The following CCDC40 variants were observed in gnomAD, a reference collection of about 807,000 sequenced individuals.
The protein encoded by CCDC40 is coiled-coil domain 40 molecular ruler complex subunit, also known as coiled-coil domain-containing protein 40.
A neutral mutation model predicts 124.5 loss-of-function variants in CCDC40; 104 were observed. The ratio of observed to expected loss-of-function variants is 0.84; its 90% CI spans 0.71 to 0.98. The LOEUF is 0.98. Among genes scored for constraint, CCDC40 ranks in the 50% least tolerant of loss-of-function variants. The pLI, the probability that CCDC40 is intolerant of heterozygous loss-of-function variation, is 0.00. For synonymous variants in CCDC40, 580 were observed against 602.9 expected, an observed-to-expected ratio of 0.96 and a Z score of 0.56; for missense variants, 1,463 against 1,503.9, an observed-to-expected ratio of 0.97 and a Z score of 0.45.
At chr17:80,053,904 A>C (rs985459628) in intron 7 of CCDC40, among the ~76,000 whole-genome samples, 13 of 152,226 alleles carry the variant, frequency 8.5e-5, no homozygotes, top group Non-Finnish European at 1.6e-4. Context: ...CCTACATGTC[A>C]GTTAGACTCT....
chr17:80,058,123 C>T lies in CCDC40; in HGVS notation c.1160-371C>T, dbSNP rs148993565. ...TCCTCCCAGGGGACTTAAGACTCCA[C>T]CTAAGGTTGCCAGCCTTTCAGTGGT... On this transcript the variant is annotated intron_variant, in intron 7 of 19. Coordinates refer to ENST00000397545, the MANE Select transcript of CCDC40 (RefSeq NM_017950.4). This position sits in a 1 kb window ranked among gnomAD's most constrained non-coding sequence, Gnocchi z 4.2. 5.5e-4 allele frequency among the ~76,000 whole-genome samples: 83 copies of T among 152,274 alleles called. 2 individuals carry two copies. The highest frequency in any genetic ancestry group is 3.4e-3 in the Middle Eastern group (1 of 294).
At chr17:80,065,333 G>A (rs1160290373) in intron 9 of CCDC40, 152 bp from the exon 10 acceptor site, 28 of 1,050,274 alleles carry the variant, frequency 2.7e-5, no homozygotes, top group Middle Eastern at 2.0e-4. Flanking sequence ...ATTCAGGCTC[G>A]TGTTTACCCC....
chr17:80,057,759 C>G (rs1445858747), intron 7 of CCDC40, among the ~76,000 whole-genome samples: 1 of 151,994 alleles, frequency 6.6e-6, no homozygotes, highest in Non-Finnish European at 1.5e-5. Flanking sequence ...GCCTGTAGTC[C>G]CAGCTACTCG....
Position 80,097,304 on chromosome 17 carries a change from C to T in CCDC40, c.3081C>T (p.Ser1027=). 9 of 1,613,958 alleles carry T rather than the reference C, an allele frequency of 5.6e-6. No homozygotes were observed. The highest frequency in any genetic ancestry group is 2.2e-5 in the East Asian group (1 of 44,884). The part of the protein sequence containing the change: ...LELEETQRNV[S]SSLLEKQEKL... ...TGGAAGAAACACAAAGAAATGTGAG[C>T]AGCTCCCTCCTAGAGAAGCAGGAAA... The change falls in exon 19 of 20, where the codon AGC becomes AGT. Residue 1027 remains serine (S), a synonymous_variant. Transcript: ENST00000397545.
intron 17 of CCDC40, 21 bp from the exon 18 acceptor site, chr17:80,095,242 C>A: frequency 1.2e-6 from 2 of 1,612,698 alleles, no homozygotes; most frequent in Non-Finnish European, 8.5e-7. Context: ...CCAGCCCCAG[C>A]CCCTCTGTCC....
At chr17:80,064,368 G>A (rs941441312) in intron 9 of CCDC40, among the ~76,000 whole-genome samples, 3 of 151,958 alleles carry the variant, frequency 2.0e-5, no homozygotes, top group Admixed American at 6.5e-5. Flanking sequence ...CGGGCCGCCA[G>A]CTTGCTCAAG....
intron 19 of CCDC40, chr17:80,097,833 G>A (rs1278457696): frequency 1.3e-5 from 3 of 222,336 alleles, no homozygotes; most frequent in Non-Finnish European, 2.7e-5. Context: ...CTGGGAGGTC[G>A]AGACTGCAGT....
intron 1 of CCDC40, 116 bp downstream of exon 1, chr17:80,036,807 T>G: frequency 1.0e-6 from 1 of 961,566 alleles, no homozygotes; most frequent in Non-Finnish European, 1.5e-6. Context: ...CACTCCCCCT[T>G]CCTCTCGCCT....
chr17:80,047,230 C>T (rs767837168), intron 3 of CCDC40, 49 bp from the exon 4 acceptor site: 1 of 1,587,774 alleles, frequency 6.3e-7, no homozygotes, highest in East Asian at 2.2e-5. Flanking sequence ...AATAACTTCT[C>T]AGTGGCAATT....
intron 4 of CCDC40, among the ~76,000 whole-genome samples, chr17:80,047,953 A>G (rs906800320): frequency 1.3e-5 from 2 of 152,216 alleles, no homozygotes; most frequent in African/African-American, 4.8e-5. Context: ...TGCAAATGAC[A>G]TGAAAACAGC....
intron 5 of CCDC40, among the ~76,000 whole-genome samples, chr17:80,049,023 A>G (rs1438238221): frequency 1.3e-5 from 2 of 151,960 alleles, no homozygotes; most frequent in Non-Finnish European, 2.9e-5. Context: ...TGTGCCTTGC[A>G]TGGTGTGGAA....
chr17:80,062,323 C>CT (rs1045969790), intron 9 of CCDC40, among the ~76,000 whole-genome samples: 4 of 151,954 alleles, frequency 2.6e-5, no homozygotes, highest in Non-Finnish European at 5.9e-5. Flanking sequence ...TTAAATTATA[C>CT]TTTAAGTTTT....
chr17:80,050,504 C>T (rs986734777), intron 7 of CCDC40, among the ~76,000 whole-genome samples: 22 of 152,290 alleles, frequency 1.4e-4, no homozygotes, highest in Admixed American at 2.6e-4. Flanking sequence ...AGTGCAATGG[C>T]GCGATCTTGG....
intron 18 of CCDC40, among the ~76,000 whole-genome samples, 196 bp downstream of exon 18, chr17:80,095,647 C>T (rs1440627969): frequency 6.6e-6 from 1 of 151,054 alleles, no homozygotes; most frequent in African/African-American, 2.4e-5. Context: ...TTCTGCTAAC[C>T]TGCTGCTGGG....
intron 7 of CCDC40, among the ~76,000 whole-genome samples, chr17:80,056,032 G>T (rs1173594556): frequency 0.021 from 125 of 5,994 alleles, no homozygotes; most frequent in East Asian, 0.03. Flanking sequence ...TTTTTTTTTT[G>T]GTAGAAACAG....
chr17:80,097,426 C>T, intron 19 of CCDC40, 23 bp downstream of exon 19: 1 of 1,613,454 alleles, frequency 6.2e-7, no homozygotes, highest in Non-Finnish European at 8.5e-7. Context: ...CAGGAGGTCC[C>T]TGGGGATGAC....
At chr17:80,070,705 G>A (rs973135478) in intron 10 of CCDC40, among the ~76,000 whole-genome samples, 26 of 152,160 alleles carry the variant, frequency 1.7e-4, no homozygotes, top group African/African-American at 5.8e-4. Context: ...CCAGGAGGTC[G>A]AGGCTGCAGT....
chr17:80,049,756 A>G (rs1199515432), intron 5 of CCDC40, 150 bp from the exon 6 acceptor site: 1 of 714,414 alleles, frequency 1.4e-6, no homozygotes, highest in Non-Finnish European at 2.5e-6. Flanking sequence ...TGGCTTCCAG[A>G]GTAAGAATCC....
chr17:80,044,714 A>T (rs982652424), intron 3 of CCDC40, among the ~76,000 whole-genome samples: 19,401 of 70,078 alleles, frequency 0.28, 2,035 homozygotes, highest in Middle Eastern at 0.34. Flanking sequence ...AACAAAAAAA[A>T]AAATATATAT....
Sources: gnomAD v4.1 joint callset for allele counts (sites outside exome capture counted in the v4.1 genomes callset) on GRCh38, gnomAD v4.1.1 for gene constraint, Gnocchi (gnomAD v3.1) non-coding constraint, MANE v1.5 for transcripts, NCBI Gene and HGNC (gene_info 2026-07-23, HGNC 2026-07-21) for gene names.